CDH15: variants seen among roughly 807,000 people sequenced by gnomAD.
CDH15 encodes the protein cadherin-15.
Under a neutral mutation model 69.4 loss-of-function variants are expected in CDH15, and 73 were observed. The ratio of observed to expected loss-of-function variants is 1.05; its 90% CI spans 0.87 to 1.28. The LOEUF (loss-of-function observed/expected upper bound fraction) is 1.28. Ranked by LOEUF, CDH15 falls within the 50% of genes most tolerant of loss-of-function variation. The pLI is 0.00. For synonymous variants in CDH15, 624 were observed against 507.7 expected (o/e 1.23, Z -3.08); for missense variants, 1,343 against 1,133.6 (o/e 1.18, Z -2.65).
chr16:89,177,848 A>G (rs538070804), intron 1 of CDH15, among the ~76,000 whole-genome samples: 1 of 152,134 alleles, frequency 6.6e-6, no homozygotes, highest in East Asian at 1.9e-4. Flanking sequence ...GGGGTCTTTC[A>G]GGAAGAGCCA....
intron 1 of CDH15, among the ~76,000 whole-genome samples, chr16:89,173,560 A>C (rs535752575): frequency 5.1e-4 from 78 of 152,226 alleles, no homozygotes; most frequent in African/African-American, 1.9e-3. Context: ...CCAAGGCTCA[A>C]ATTCACTCCA....
At chr16:89,172,022 C>T in intron 1 of CDH15, 149 bp downstream of exon 1, 1 of 770,818 alleles carries the variant, frequency 1.3e-6, no homozygotes, top group Middle Eastern at 3.1e-4. Flanking sequence ...GGGTGGGTCC[C>T]TGGGCTGGGG....
rs777715571 is a variant in CDH15, at chr16:89,183,592, C to T, written c.402C>T (p.Asp134=). The part of the protein sequence containing the change: ...ALDLGGSTLE[D]PTDLEIVVVD... ...ACCTGGGAGGATCCACCCTGGAGGA[C>T]CCCACGGACCTGGAGATTGTAGTTG... Residue 134 remains aspartate, a synonymous_variant, in exon 4 of 14, where the codon GAC becomes GAT. Coordinates refer to ENST00000289746, the MANE Select transcript of CDH15 (RefSeq NM_004933.3). 2.4e-5 allele frequency: 39 copies of T among 1,613,992 alleles called. No homozygotes were observed. The highest frequency in any genetic ancestry group is 8.0e-5 in the African/African-American group (6 of 74,930).
Position 89,192,441 on chromosome 16 carries a change from C to T in CDH15, c.1852C>T (p.Leu618=). 6.4e-7 allele frequency: 1 copy of T among 1,560,730 alleles called. No individual in the cohort carries two copies. The highest frequency in any genetic ancestry group is 8.6e-7 in the Non-Finnish European group (1 of 1,160,758). Residue 618 remains leucine, a synonymous_variant, in exon 11 of 14, where the codon CTG becomes TTG. Coordinates refer to ENST00000289746, the MANE Select transcript of CDH15 (RefSeq NM_004933.3). ...VIVLASALLL[L]VLVLLVALRA... is the part of the protein sequence containing the mutation. ...CGTGCTGGCCAGCGCCCTCCTGCTG[C>T]TGGGTGAGTGAGCGCCCCGCCTCCA...
At chr16:89,181,966 A>G (rs755600706) in intron 3 of CDH15, among the ~76,000 whole-genome samples, 18 of 151,244 alleles carry the variant, frequency 1.2e-4, no homozygotes, top group Non-Finnish European at 2.2e-4. Flanking sequence ...AGAAAGAAGA[A>G]GAGGAGGAGG....
At position 89,183,569 on chromosome 16, in the gene CDH15, C is replaced by G; in HGVS notation, c.379C>G (p.Leu127Val). 3.7e-6 allele frequency: 6 copies of G among 1,614,172 alleles called. No individual in the cohort carries two copies. Among genetic ancestry groups the G allele is most frequent in the Non-Finnish European group, 5.1e-6 (6 of 1,180,042 alleles). The change falls in exon 4 of 14, where the codon CTG becomes GTG. Residue 127 changes from leucine (L) to valine (V), a missense_variant. By Grantham distance (32) the Leu-to-Val change is conservative. Transcript: ENST00000289746. ...ACAGCTAAGAGCGTTTGCCCTGGAC[C>G]TGGGAGGATCCACCCTGGAGGACCC... ...RFRLRAFALD[L>V]GGSTLEDPTD... is the part of the protein sequence containing the mutation.
chr16:89,171,847 C>T lies in CDH15; in HGVS notation c.16C>T (p.Leu6Phe), dbSNP rs1271058895. 3 of 1,559,414 alleles carry T rather than the reference C, an allele frequency of 1.9e-6. No individual in the cohort carries two copies. Among genetic ancestry groups the T allele is most frequent in the Non-Finnish European group, 8.7e-7 (1 of 1,155,504 alleles). The change falls in exon 1 of 14, where the codon CTC becomes TTC. Residue 6 changes from leucine to phenylalanine, a missense_variant. Coordinates refer to ENST00000289746, the MANE Select transcript of CDH15 (RefSeq NM_004933.3). MDAAF[L>F]LVLGLLAQSL... ...CTCGGCCCCGATGGACGCCGCGTTCCTCCTCGTCCTCGGGCTGTTGGCCCA... is the reference window on the plus strand; with the variant it reads ...CTCGGCCCCGATGGACGCCGCGTTCTTCCTCGTCCTCGGGCTGTTGGCCCA...
At chr16:89,186,538 C>T (rs557594160) in intron 5 of CDH15, among the ~76,000 whole-genome samples, 17 of 134,868 alleles carry the variant, frequency 1.3e-4, no homozygotes, top group Non-Finnish European at 1.8e-4. Flanking sequence ...GCTCTGTAAA[C>T]GCTTACCCAG....
At position 89,192,227 on chromosome 16, in the gene CDH15, G is replaced by A. The variant is rs1362082531; in HGVS notation, c.1638G>A (p.Pro546=). Residue 546 remains proline, a synonymous_variant, in exon 11 of 14, where the codon CCG becomes CCA. Transcript: ENST00000289746. ...QVNVSHARLR[P]RHQVPEGLHR... is the part of the protein sequence containing the mutation. Reference sequence around the variant, plus strand: ...CAGTGAGCCACGCGCGCCTGCGGCCGCGACACCAGGTCCCCGAAGGCCTGC... The same window carrying A: ...CAGTGAGCCACGCGCGCCTGCGGCCACGACACCAGGTCCCCGAAGGCCTGC... The A allele has an allele frequency of 7.2e-6, 11 of 1,529,288 alleles. No homozygotes were observed. The highest frequency in any genetic ancestry group is 2.0e-5 in the Admixed American group (1 of 50,796). 94.7% of individuals were successfully genotyped at this position (1,529,288 alleles called of 1,614,324 possible). A position where few individuals can be genotyped will look rare whatever the true frequency, so the allele number is the denominator to read the frequency against.
intron 13 of CDH15, among the ~76,000 whole-genome samples, chr16:89,194,604 G>T (rs2151605844): frequency 6.6e-6 from 1 of 152,304 alleles, no homozygotes; most frequent in Admixed American, 6.5e-5. Flanking sequence ...CACCTTGCTG[G>T]GGCAGGGCAG....
intron 7 of CDH15, among the ~76,000 whole-genome samples, chr16:89,189,181 C>CCA (rs1915578353): frequency 9.4e-6 from 1 of 106,128 alleles, no homozygotes; most frequent in Non-Finnish European, 2.2e-5. Context: ...ACACAGATGC[C>CCA]GGCACACACA....
intron 4 of CDH15, among the ~76,000 whole-genome samples, chr16:89,184,361 G>A (rs1431541391): frequency 1.3e-5 from 2 of 152,164 alleles, no homozygotes; most frequent in African/African-American, 2.4e-5. Context: ...CCCAAAGCCC[G>A]TCCTTCCCAC....
At chr16:89,176,115 G>C (rs1915250240) in intron 1 of CDH15, among the ~76,000 whole-genome samples, 1 of 152,232 alleles carries the variant, frequency 6.6e-6, no homozygotes, top group African/African-American at 2.4e-5. Context: ...CCTAATGGGG[G>C]TTCGGCCTGA....
intron 1 of CDH15, among the ~76,000 whole-genome samples, chr16:89,172,659 C>G (rs1436539012): frequency 6.6e-6 from 1 of 152,194 alleles, no homozygotes; most frequent in East Asian, 1.9e-4. Flanking sequence ...CTCAGCCCCC[C>G]ACACCCGACA....
In CDH15 at chr16:89,183,710, C is replaced by T; in HGVS notation, c.502+18C>T. On this transcript the variant is annotated intron_variant, in intron 4 of 13. Coordinates refer to ENST00000289746, the MANE Select transcript of CDH15 (RefSeq NM_004933.3). ...AGTCCCAGGTGAGACAGGACCACAG[C>T]CCCGGGCCGGGAGGGGCTGCAAGGA... 2 of 1,581,598 alleles carry T rather than the reference C, an allele frequency of 1.3e-6. No individual in the cohort carries two copies. Among genetic ancestry groups the T allele is most frequent in the Non-Finnish European group, 1.7e-6 (2 of 1,163,688 alleles).
At chr16:89,185,419 C>G in intron 5 of CDH15, 86 bp downstream of exon 5, 1 of 1,414,768 alleles carries the variant, frequency 7.1e-7, no homozygotes, top group Non-Finnish European at 9.7e-7. Context: ...CCTGCCCACC[C>G]CAGACGCTCC....
chr16:89,185,328 C>T lies in CDH15; in HGVS notation c.658C>T (p.Arg220Cys), dbSNP rs1405526562. The T allele has an allele frequency of 1.0e-5, 16 of 1,600,544 alleles. No individual in the cohort carries two copies. Among genetic ancestry groups the T allele is most frequent in the South Asian group, 3.4e-5 (3 of 88,992 alleles). Residue 220 changes from arginine to cysteine, a missense_variant, in exon 5 of 14, where the codon CGC (arginine) becomes TGC (cysteine). Transcript: ENST00000289746. ...CCGCACAGTGCAAGTGGGGCTGGAC[C>T]GCGAGGTGAGGTGGCGCCCCGGCAG... ...EIRTVQVGLD[R>C]EVVAVYNLTL...
rs761998684 is a variant in CDH15 at position 89,187,407 on chromosome 16, A to G, written c.664-22A>G. The G allele has an allele frequency of 1.9e-6, 3 of 1,611,518 alleles. No homozygotes were observed. In the Admixed American group the frequency reaches 5.0e-5, roughly 27 times the overall value. ...GCCCCACCTGGGCCCTCATCTTCTG[A>G]CCCTGTGCCCCACATCCCCAGGTGG... On this transcript the variant is annotated intron_variant, in intron 5 of 13. Transcript: ENST00000289746.
chr16:89,193,458 C>T lies in CDH15; in HGVS notation c.1856-12C>T. 1.2e-6 allele frequency: 2 copies of T among 1,604,452 alleles called. No homozygotes were observed. Among genetic ancestry groups the T allele is most frequent in the Non-Finnish European group, 1.7e-6 (2 of 1,175,096 alleles). ...TGTGCCTGGCCCCAGCCTGCGTCCC[C>T]TCATTCCCCAGTGCTGGTCCTGCTC... is the stretch of plus-strand genomic sequence containing the variant. On this transcript the variant is annotated splice_polypyrimidine_tract_variant and intron_variant, in intron 11 of 13. Coordinates refer to ENST00000289746, the MANE Select transcript of CDH15 (RefSeq NM_004933.3).
Sources: allele counts gnomAD v4.1 joint callset (sites outside exome capture counted in the v4.1 genomes callset), GRCh38; gene constraint gnomAD v4.1.1; transcripts MANE v1.5; gene names NCBI Gene and HGNC (gene_info 2026-07-23, HGNC 2026-07-21).